Variants in LYPD5 observed in about 807,000 individuals in gnomAD.
The protein encoded by LYPD5 is LY6/PLAUR domain containing 5, also known as ly6/PLAUR domain-containing protein 5.
LYPD5 carries 21 observed loss-of-function variants against 19.1 expected under a neutral mutation model. That is an observed-to-expected ratio of 1.10 (90% CI 0.78 to 1.58). The LOEUF is 1.58. LYPD5 is among the 40% of genes most tolerant of loss of function. The probability of loss-of-function intolerance (pLI) is 0.00; values close to 1 mark genes in which losing one functional copy is unlikely to be tolerated. For synonymous variants in LYPD5, 128 were observed against 142.7 expected, an observed-to-expected ratio of 0.90 and a Z score of 0.74; for missense variants, 287 against 329.8, an observed-to-expected ratio of 0.87 and a Z score of 1.00.
At position 43,798,691 on chromosome 19, in the gene LYPD5, C is replaced by T. The variant is rs910700068; in HGVS notation, c.371-90G>A. On this transcript the variant is annotated intron_variant, in intron 3 of 4. Coordinates refer to ENST00000377950, the MANE Select transcript of LYPD5 (RefSeq NM_001031749.3). ...ACTGCGCCAGAGCCCGCGCCTAGCA[C>T]GTCTCGGGGGTTGGGATCCTAGCGC... 2.0e-5 allele frequency: 32 copies of T among 1,585,712 alleles called. No individual in the cohort carries two copies. The Middle Eastern group carries it at 9.8e-4, about 49-fold the overall frequency.
At chr19:43,799,997 G>A in intron 1 of LYPD5, 163 bp from the exon 2 acceptor site, 1 of 813,626 alleles carries the variant, frequency 1.2e-6, no homozygotes, top group South Asian at 1.9e-5. Context: ...GGTCACAGCT[G>A]TGTCTGTCTC....
At chr19:43,815,533 C>A (rs1970364432) in intron 1 of LYPD5, among the ~76,000 whole-genome samples, 2 of 151,514 alleles carry the variant, frequency 1.3e-5, no homozygotes, top group South Asian at 4.2e-4. Flanking sequence ...TGTGATCATG[C>A]CACTGCACTC....
exon 1 of LYPD5, chr19:43,820,553 T>C (rs1476108627): frequency 6.7e-6 from 1 of 149,818 alleles, no homozygotes; most frequent in Non-Finnish European, 1.5e-5. Flanking sequence ...CACTGCCGAC[T>C]GGGGCATGAG....
chr19:43,807,962 T>A (rs182643474), intron 1 of LYPD5, among the ~76,000 whole-genome samples: 47 of 152,242 alleles, frequency 3.1e-4, no homozygotes, highest in African/African-American at 1.1e-3. Context: ...TTTCTCCATC[T>A]CCAGTGTATT....
upstream of LYPD5, among the ~76,000 whole-genome samples, chr19:43,803,784 T>C (rs1317984359): frequency 6.6e-6 from 1 of 152,128 alleles, no homozygotes; most frequent in Admixed American, 6.6e-5. Context: ...CAGAACCCCA[T>C]AGACACAGAG....
At chr19:43,804,612 A>G (rs8100565), upstream of LYPD5, among the ~76,000 whole-genome samples, 45,613 of 152,034 alleles carry the variant, frequency 0.3, 7,500 homozygotes, top group East Asian at 0.48. Flanking sequence ...CACTCACCAA[A>G]CTATGTCCTC....
At chr19:43,806,655 C>T (rs1460110226), upstream of LYPD5, among the ~76,000 whole-genome samples, 4 of 144,858 alleles carry the variant, frequency 2.8e-5, no homozygotes, top group South Asian at 2.1e-4. Context: ...AGCAAGACAC[C>T]GTCTCAACAA....
chr19:43,806,508 T>C (rs1170810384), upstream of LYPD5, among the ~76,000 whole-genome samples: 1 of 151,700 alleles, frequency 6.6e-6, no homozygotes, highest in Non-Finnish European at 1.5e-5. Context: ...ACTAAAAATA[T>C]AAAAATTAGC....
At chr19:43,802,463 C>T (rs908313262), upstream of LYPD5, 92 of 1,302,172 alleles carry the variant, frequency 7.1e-5, no homozygotes, top group African/African-American at 1.1e-3. Flanking sequence ...CTAAGCATCC[C>T]GGCCACCCAG....
chr19:43,801,495 T>C (rs1970223245), intron 1 of LYPD5, among the ~76,000 whole-genome samples: 1 of 152,132 alleles, frequency 6.6e-6, no homozygotes, highest in African/African-American at 2.4e-5. Context: ...AGCAAGACCC[T>C]GTCTCAAAAA....
At chr19:43,809,019 C>T (rs1037683107) in intron 1 of LYPD5, among the ~76,000 whole-genome samples, 3 of 151,998 alleles carry the variant, frequency 2.0e-5, no homozygotes, top group African/African-American at 7.3e-5. Flanking sequence ...TAATGGTAAC[C>T]GGATATTAGT....
chr19:43,802,534 G>GTTTTTTTTTTT, upstream of LYPD5: 1 of 618,196 alleles, frequency 1.6e-6, no homozygotes, highest in African/African-American at 1.8e-5. Context: ...CTAGGTAATC[G>GTTTTTTTTTTT]TGATGGAAAC....
At chr19:43,801,362 G>A (rs1970222233) in intron 1 of LYPD5, among the ~76,000 whole-genome samples, 2 of 152,104 alleles carry the variant, frequency 1.3e-5, no homozygotes, top group African/African-American at 2.4e-5. Flanking sequence ...TTAGCCAGGC[G>A]CAGTGGCACA....
intron 1 of LYPD5, chr19:43,820,437 T>A (rs1970409097): frequency 6.6e-6 from 1 of 152,442 alleles, no homozygotes; most frequent in African/African-American, 2.4e-5. Context: ...GGGAGACGCC[T>A]GACCTCGTTT....
intron 1 of LYPD5, among the ~76,000 whole-genome samples, chr19:43,810,265 G>A (rs2146503685): frequency 1.3e-5 from 2 of 151,962 alleles, no homozygotes; most frequent in South Asian, 4.2e-4. Flanking sequence ...TTATTGTATA[G>A]GCTAGAACTC....
At chr19:43,807,472 T>TG (rs1162628090) in intron 1 of LYPD5, among the ~76,000 whole-genome samples, 5 of 152,086 alleles carry the variant, frequency 3.3e-5, no homozygotes, top group Admixed American at 1.3e-4. Flanking sequence ...TTAGTAGAGA[T>TG]GGGGTTTCAC....
chr19:43,810,149 C>A (rs1970307403), intron 1 of LYPD5, among the ~76,000 whole-genome samples: 1 of 152,222 alleles, frequency 6.6e-6, no homozygotes, highest in African/African-American at 2.4e-5. Context: ...CAGTGCCCAA[C>A]ATGAACAACT....
chr19:43,816,032 CTCTATCTATCTATCTATCTA>C (rs111461643), intron 1 of LYPD5, among the ~76,000 whole-genome samples: 6 of 147,748 alleles, frequency 4.1e-5, no homozygotes, highest in East Asian at 2.0e-4. Flanking sequence ...CCACGCCCCA[CTCTATCTATCTATCTATCTA>C]TCTATCTATC....
At chr19:43,800,460 C>A (rs1349726138) in intron 1 of LYPD5, among the ~76,000 whole-genome samples, 1 of 152,190 alleles carries the variant, frequency 6.6e-6, no homozygotes, top group Non-Finnish European at 1.5e-5. Context: ...GCACTTCACA[C>A]ATGGAAAATC....
Sources: gnomAD v4.1 joint callset for allele counts (sites outside exome capture counted in the v4.1 genomes callset) on GRCh38, gnomAD v4.1.1 for gene constraint, MANE v1.5 for transcripts, NCBI Gene and HGNC (gene_info 2026-07-23, HGNC 2026-07-21) for gene names.